The following APBA1 variants were observed in gnomAD, a reference collection of about 807,000 sequenced individuals.
APBA1 encodes amyloid beta precursor protein binding family A member 1, also known as amyloid-beta A4 precursor protein-binding family A member 1.
Under a neutral mutation model 86.6 loss-of-function variants are expected in APBA1, and 55 were observed. The observed-to-expected ratio is 0.64, with a 90% CI of 0.51 to 0.80. The LOEUF is 0.80. Among genes scored for constraint, APBA1 ranks in the 30% least tolerant of loss-of-function variants. The pLI is 0.00. For synonymous variants in APBA1, 511 were observed against 493.9 expected (o/e 1.03, Z -0.46); for missense variants, 1,090 against 1,183.0 (o/e 0.92, Z 1.15).
chr9:69,649,998 C>CT (rs552500451), intron 1 of APBA1, among the ~76,000 whole-genome samples: 293 of 152,284 alleles, frequency 1.9e-3, no homozygotes, highest in Middle Eastern at 0.01. Flanking sequence ...GAGAAAATGT[C>CT]TAAGAAATGA....
chr9:69,603,129 G>C (rs1390405473), intron 1 of APBA1, among the ~76,000 whole-genome samples: 3 of 152,170 alleles, frequency 2.0e-5, no homozygotes, highest in Non-Finnish European at 4.4e-5. Flanking sequence ...AGAATCAAAA[G>C]GTGTCTTCTC....
intron 8 of APBA1, among the ~76,000 whole-genome samples, chr9:69,455,000 T>A (rs1444706785): frequency 3.9e-5 from 6 of 152,096 alleles, no homozygotes; most frequent in Admixed American, 3.9e-4. Context: ...ACAAGACCAA[T>A]AAAAGATGGT....
intron 5 of APBA1, among the ~76,000 whole-genome samples, chr9:69,466,046 A>G (rs895763396): frequency 6.6e-6 from 1 of 152,186 alleles, no homozygotes; most frequent in Non-Finnish European, 1.5e-5. Context: ...GTTTATAAAA[A>G]CATCGTAGTC....
chr9:69,447,283 G>A (rs536904561), intron 10 of APBA1, among the ~76,000 whole-genome samples: 62 of 152,042 alleles, frequency 4.1e-4, no homozygotes, highest in African/African-American at 1.4e-3. Flanking sequence ...CCCTATCCCC[G>A]CTCCTCCTCC....
intron 2 of APBA1, among the ~76,000 whole-genome samples, chr9:69,483,844 G>A (rs1331974): frequency 0.72 from 109,500 of 151,926 alleles, 39,813 homozygotes; most frequent in East Asian, 0.82. Flanking sequence ...GCCCCTGGCT[G>A]CAATAAAGTA....
At chr9:69,667,141 CTG>C (rs1453001182) in intron 1 of APBA1, among the ~76,000 whole-genome samples, 8 of 152,124 alleles carry the variant, frequency 5.3e-5, no homozygotes, top group African/African-American at 1.9e-4. Flanking sequence ...GCTCAGATCT[CTG>C]AGAGAGAATA....
intron 1 of APBA1, among the ~76,000 whole-genome samples, chr9:69,548,012 T>C (rs1836724762): frequency 6.6e-6 from 1 of 152,206 alleles, no homozygotes; most frequent in East Asian, 1.9e-4. Flanking sequence ...GGGGAGATTA[T>C]CCTGGATCAT....
intron 5 of APBA1, among the ~76,000 whole-genome samples, chr9:69,467,558 A>C (rs191834557): frequency 1.5e-4 from 23 of 152,270 alleles, no homozygotes; most frequent in Non-Finnish European, 2.5e-4. Flanking sequence ...CATTACACCA[A>C]CTTTTCAAAG....
At chr9:69,578,032 T>C (rs76639941) in intron 1 of APBA1, among the ~76,000 whole-genome samples, 1 of 152,316 alleles carries the variant, frequency 6.6e-6, no homozygotes, top group African/African-American at 2.4e-5. Flanking sequence ...GGACCCTAGA[T>C]TGGCTGTGTT....
chr9:69,555,009 C>A (rs555480922), intron 1 of APBA1, among the ~76,000 whole-genome samples: 1 of 152,268 alleles, frequency 6.6e-6, no homozygotes, highest in South Asian at 2.1e-4. Flanking sequence ...ATTCCTACGT[C>A]CCGCACGTGT....
intron 10 of APBA1, among the ~76,000 whole-genome samples, chr9:69,444,358 C>T (rs890435806): frequency 1.4e-4 from 22 of 152,326 alleles, no homozygotes; most frequent in Admixed American, 1.3e-3. Context: ...TCCCCATCGA[C>T]AAAGGGAGAT....
intron 1 of APBA1, among the ~76,000 whole-genome samples, chr9:69,552,879 T>C (rs1363629585): frequency 6.6e-6 from 1 of 150,680 alleles, no homozygotes; most frequent in East Asian, 2.0e-4. Context: ...TGCTCATCTC[T>C]GCAAATGAAA....
chr9:69,441,214 C>T, intron 10 of APBA1, 99 bp from the exon 11 acceptor site: 1 of 1,430,306 alleles, frequency 7.0e-7, no homozygotes, highest in Non-Finnish European at 9.4e-7. Context: ...TGCACTGAGT[C>T]TTCCGAAGGA....
At chr9:69,485,691 A>G (rs1350098990) in intron 2 of APBA1, among the ~76,000 whole-genome samples, 1 of 152,100 alleles carries the variant, frequency 6.6e-6, no homozygotes, top group Non-Finnish European at 1.5e-5. Context: ...TGACTCACCA[A>G]CAACTCCCAG....
chr9:69,519,733 C>T (rs1836222841), intron 1 of APBA1, among the ~76,000 whole-genome samples: 1 of 152,162 alleles, frequency 6.6e-6, no homozygotes, highest in South Asian at 2.1e-4. Context: ...GTGGAACTGA[C>T]CAAAATGCTG....
intron 1 of APBA1, among the ~76,000 whole-genome samples, chr9:69,520,941 CA>C (rs1383770261): frequency 1.3e-5 from 2 of 152,168 alleles, no homozygotes; most frequent in Non-Finnish European, 2.9e-5. Context: ...TTAAAAAATA[CA>C]AATCTGAATC....
At chr9:69,624,244 T>G (rs895069172) in intron 1 of APBA1, among the ~76,000 whole-genome samples, 2 of 152,088 alleles carry the variant, frequency 1.3e-5, no homozygotes. Flanking sequence ...AAGACCAACA[T>G]AAGGATGGGC....
At chr9:69,535,316 G>A (rs2133911256) in intron 1 of APBA1, among the ~76,000 whole-genome samples, 1 of 152,294 alleles carries the variant, frequency 6.6e-6, no homozygotes, top group South Asian at 2.1e-4. Flanking sequence ...TCCTGCAGCT[G>A]GTCTGAGATC....
intron 2 of APBA1, among the ~76,000 whole-genome samples, chr9:69,483,355 T>C (rs1161939730): frequency 6.6e-6 from 1 of 152,004 alleles, no homozygotes; most frequent in Non-Finnish European, 1.5e-5. Flanking sequence ...TATTGCTTGC[T>C]TGAACCCATG....
Sources: gnomAD v4.1 joint callset for allele counts (sites outside exome capture counted in the v4.1 genomes callset) on GRCh38, gnomAD v4.1.1 for gene constraint, MANE v1.5 for transcripts, NCBI Gene and HGNC (gene_info 2026-07-23, HGNC 2026-07-21) for gene names.